The following SETX variants were observed in gnomAD, a reference collection of about 807,000 sequenced individuals.
SETX encodes the protein helicase senataxin.
SETX carries 90 observed loss-of-function variants against 227.2 expected under a neutral mutation model. That is an observed-to-expected ratio of 0.40 (90% CI 0.33 to 0.47). The LOEUF (loss-of-function observed/expected upper bound fraction) is 0.47. SETX is among the 20% of genes least tolerant of loss of function. The pLI is 0.91. For missense variants in SETX, 3,052 were observed against 3,181.5 expected, an observed-to-expected ratio of 0.96 and a Z score of 0.98; for synonymous variants, 1,210 against 1,113.2, an observed-to-expected ratio of 1.09 and a Z score of -1.73.
intron 16 of SETX, 37 bp from the exon 17 acceptor site, chr9:132,288,388 C>A: frequency 6.6e-7 from 1 of 1,511,846 alleles, no homozygotes; most frequent in South Asian, 1.2e-5. Context: ...ATATGCTATT[C>A]TAATTCTAAC....
At position 132,346,267 on chromosome 9, in the gene SETX, G is replaced by A. The variant is rs552476047; in HGVS notation, c.382C>T (p.Arg128Cys). ...LKYPYLLLHE[R>C]VNELCVEALC... ...GAACCATCAAGATACTCACTAACAC[G>A]TTCATGTAGAAGCAAGTAAGGATAT... Residue 128 changes from arginine (R) to cysteine (C), a missense_variant, in exon 4 of 26, where the codon CGT becomes TGT. Physicochemically the swap from Arg to Cys is radical, Grantham distance 180. Around this residue, in one of 10 missense-constraint regions of SETX, gnomAD observed 152 missense variants for 156.2 expected, o/e 0.97. Transcript: ENST00000224140. The A allele has an allele frequency of 1.6e-5, 26 of 1,611,286 alleles. No homozygotes were observed. The highest frequency in any genetic ancestry group is 4.5e-5 in the East Asian group (2 of 44,834).
intron 17 of SETX, among the ~76,000 whole-genome samples, chr9:132,287,870 G>C (rs1394024479): frequency 6.6e-6 from 1 of 151,860 alleles, no homozygotes; most frequent in Non-Finnish European, 1.5e-5. Context: ...ATAAATAAAG[G>C]GCATTAAATA....
At chr9:132,339,260 G>GGCA (rs1312096113) in intron 5 of SETX, among the ~76,000 whole-genome samples, 1 of 152,068 alleles carries the variant, frequency 6.6e-6, no homozygotes, top group Non-Finnish European at 1.5e-5. Flanking sequence ...GAGGTATGGG[G>GGCA]GCACTTGAGC....
chr9:132,336,875 C>T (rs1847656164), intron 5 of SETX, among the ~76,000 whole-genome samples: 1 of 151,978 alleles, frequency 6.6e-6, no homozygotes. Context: ...ACCAGCCTCG[C>T]CAACTTGGCA....
chr9:132,347,102 A>T (rs1848333878), intron 3 of SETX, among the ~76,000 whole-genome samples: 1 of 151,522 alleles, frequency 6.6e-6, no homozygotes, highest in African/African-American at 2.4e-5. Flanking sequence ...TAAAAATACA[A>T]AAATAGCCAG....
Position 132,326,805 on chromosome 9 carries a change from A to C in SETX, c.4793T>G (p.Ile1598Ser). Residue 1598 changes from isoleucine (I) to serine (S), a missense_variant, in exon 10 of 26, where the codon ATT becomes AGT. Coordinates refer to ENST00000224140, the MANE Select transcript of SETX (RefSeq NM_015046.7). ...TCGTGAAGTACTCTTTGAGCTAAAA[A>C]TCTTAGTGGTAGGTCTCAAAGGTTT... The part of the protein sequence containing the change: ...ASKPLRPTTK[I>S]FSSKSTSRIA... 6.2e-7 allele frequency: 1 copy of C among 1,614,194 alleles called. No individual in the cohort carries two copies. Among genetic ancestry groups the C allele is most frequent in the Non-Finnish European group, 8.5e-7 (1 of 1,180,024 alleles).
intron 10 of SETX, among the ~76,000 whole-genome samples, chr9:132,315,762 G>C (rs1415169626): frequency 6.6e-6 from 1 of 152,162 alleles, no homozygotes; most frequent in Non-Finnish European, 1.5e-5. Context: ...ATCTCAGGTA[G>C]AGCTAATCCA....
rs1156823939 is a variant in SETX at position 132,264,672 on chromosome 9, T to G, written c.7601A>C (p.Asp2534Ala). Residue 2534 changes from aspartate (D) to alanine (A), a missense_variant, in exon 26 of 26, where the codon GAC (aspartate) becomes GCC (alanine). Transcript: ENST00000224140. ...CAGCAGTCGTGGGTCCTGAAGTTGG[T>G]CATGAACAGGAGGTCTTTCAGGGTC... is the stretch of plus-strand genomic sequence containing the variant. ...SKDPERPPVH[D>A]QLQDPRLLKR... The G allele has an allele frequency of 6.2e-7, 1 of 1,614,184 alleles. No individual in the cohort carries two copies. The highest frequency in any genetic ancestry group is 1.1e-5 in the South Asian group (1 of 91,086).
chr9:132,300,953 C>A, intron 11 of SETX, 150 bp from the exon 12 acceptor site: 1 of 618,154 alleles, frequency 1.6e-6, no homozygotes, highest in Non-Finnish European at 2.6e-6. Flanking sequence ...TAATCTAATC[C>A]AATCAAAAAC....
At chr9:132,285,120 G>A (rs563988058) in intron 18 of SETX, among the ~76,000 whole-genome samples, 26 of 152,022 alleles carry the variant, frequency 1.7e-4, no homozygotes, top group Non-Finnish European at 2.6e-4. Flanking sequence ...CTCGTGATCC[G>A]CCCGCCTCGG....
chr9:132,264,314 G>C lies in SETX; in HGVS notation c.7959C>G (p.Thr2653=), dbSNP rs773906494. 6.2e-7 allele frequency: 1 copy of C among 1,614,076 alleles called. No homozygotes were observed. Among genetic ancestry groups the C allele is most frequent in the East Asian group, 2.2e-5 (1 of 44,886 alleles). ...QEKCGSETHH[T]RRNSRWDKRT... ...TCTTGTCCCACCTAGAGTTCCTCCTGGTGTGATGGGTCTCGGAACCACACT... is the reference window on the plus strand; with the variant it reads ...TCTTGTCCCACCTAGAGTTCCTCCTCGTGTGATGGGTCTCGGAACCACACT... The change falls in exon 26 of 26, where the codon ACC becomes ACG. Residue 2653 remains threonine (T), a synonymous_variant. Coordinates refer to ENST00000224140, the MANE Select transcript of SETX (RefSeq NM_015046.7).
intron 4 of SETX, among the ~76,000 whole-genome samples, chr9:132,344,566 G>C (rs1383441972): frequency 2.0e-5 from 3 of 152,152 alleles, no homozygotes; most frequent in Non-Finnish European, 4.4e-5. Context: ...ATATGAAAAT[G>C]AACTAGATTT....
In SETX at chr9:132,316,116, TAGAC is replaced by T. The variant is rs1037396527; in HGVS notation, c.5275-4264_5275-4261del. Among the ~76,000 whole-genome samples the T allele has an allele frequency of 6.0e-4, 91 of 152,310 alleles. 1 individual carries two copies. The highest frequency in any genetic ancestry group is 5.9e-3 in the Admixed American group (91 of 15,304). ...GACATCCTAAGACATAGAACCCTCA[TAGAC>T]AGGCGTGTATATGTTCTTCTGACGA... On this transcript the variant is annotated intron_variant, in intron 10 of 25. Transcript: ENST00000224140.
intron 23 of SETX, 99 bp downstream of exon 23, chr9:132,275,157 A>G (rs1245118730): frequency 1.5e-6 from 2 of 1,345,440 alleles, no homozygotes; most frequent in Non-Finnish European, 2.1e-6. Context: ...ACCAATTTGC[A>G]CAGACCACTC....
chr9:132,324,926 ATTAT>A (rs1203851605), intron 10 of SETX, among the ~76,000 whole-genome samples: 3 of 152,210 alleles, frequency 2.0e-5, no homozygotes, highest in Non-Finnish European at 2.9e-5. Flanking sequence ...ACACTAAAGA[ATTAT>A]TTGATGTTTT....
At chr9:132,291,594 C>A (rs1844311276) in intron 15 of SETX, among the ~76,000 whole-genome samples, 1 of 152,254 alleles carries the variant, frequency 6.6e-6, no homozygotes, top group Admixed American at 6.5e-5. Context: ...GCTGGGTAAG[C>A]TCAGGGGAAT....
chr9:132,325,816 C>T (rs1846704974), intron 10 of SETX, among the ~76,000 whole-genome samples: 1 of 151,572 alleles, frequency 6.6e-6, no homozygotes, highest in African/African-American at 2.4e-5. Flanking sequence ...CCTGTAATCT[C>T]AGCTACTTGG....
intron 7 of SETX, 76 bp from the exon 8 acceptor site, chr9:132,331,524 T>C (rs1261974685): frequency 6.7e-6 from 10 of 1,500,302 alleles, no homozygotes; most frequent in Non-Finnish European, 9.1e-6. Flanking sequence ...GAATTAAGCA[T>C]ATTCTTTATC....
chr9:132,300,892 T>C (rs1329714944), intron 11 of SETX, 89 bp from the exon 12 acceptor site: 1 of 1,277,248 alleles, frequency 7.8e-7, no homozygotes, highest in East Asian at 2.5e-5. Context: ...ATCCTTGTAT[T>C]AAGTTCAAAA....
Sources: gnomAD v4.1 joint callset for allele counts (sites outside exome capture counted in the v4.1 genomes callset) on GRCh38, gnomAD v4.1.1 for gene constraint, gnomAD v4.1.1 regional missense constraint, MANE v1.5 for transcripts, NCBI Gene and HGNC (gene_info 2026-07-23, HGNC 2026-07-21) for gene names.